The following CTNNA2 variants were observed in gnomAD, a reference collection of about 807,000 sequenced individuals.
The protein encoded by CTNNA2 is catenin alpha-2.
A neutral mutation model predicts 101.0 loss-of-function variants in CTNNA2; 42 were observed. The ratio of observed to expected loss-of-function variants is 0.42; its 90% CI spans 0.32 to 0.54. The LOEUF (loss-of-function observed/expected upper bound fraction) is 0.54. Among genes scored for constraint, CTNNA2 ranks in the 20% least tolerant of loss-of-function variants. The pLI, the probability that CTNNA2 is intolerant of heterozygous loss-of-function variation, is 0.14. For synonymous variants in CTNNA2, 450 were observed against 456.4 expected (o/e 0.99, Z 0.18); for missense variants, 871 against 1,223.1 (o/e 0.71, Z 4.29).
intron 4 of CTNNA2, among the ~76,000 whole-genome samples, chr2:79,413,687 G>A (rs1485505860): frequency 6.6e-6 from 1 of 151,798 alleles, no homozygotes. Flanking sequence ...CCAATAGTGT[G>A]CAAGGGTTCC....
chr2:80,320,168 A>G (rs1446323667), intron 7 of CTNNA2, among the ~76,000 whole-genome samples: 2 of 152,224 alleles, frequency 1.3e-5, no homozygotes, highest in South Asian at 2.1e-4. Context: ...GCCTCATAGC[A>G]CAACTTTTAA....
intron 2 of CTNNA2, among the ~76,000 whole-genome samples, chr2:79,724,849 A>G (rs1330778819): frequency 6.6e-6 from 1 of 151,296 alleles, no homozygotes; most frequent in Admixed American, 6.6e-5. Context: ...AAAAGAAAAA[A>G]GAAATAATGA....
intron 7 of CTNNA2, among the ~76,000 whole-genome samples, chr2:80,348,899 C>G (rs1673031895): frequency 6.6e-6 from 1 of 151,958 alleles, no homozygotes; most frequent in Non-Finnish European, 1.5e-5. Flanking sequence ...AGCTGCTGCT[C>G]TAGTCAGATT....
chr2:80,490,134 T>A (rs1686923791), intron 9 of CTNNA2, among the ~76,000 whole-genome samples: 1 of 152,210 alleles, frequency 6.6e-6, no homozygotes, highest in African/African-American at 2.4e-5. Flanking sequence ...TATCTAGAGA[T>A]GTAAATTAGA....
At chr2:80,640,644 C>CTTAG (rs1353652377) in intron 18 of CTNNA2, among the ~76,000 whole-genome samples, 2 of 152,214 alleles carry the variant, frequency 1.3e-5, no homozygotes, top group Admixed American at 1.3e-4. Flanking sequence ...CTAAGGACAT[C>CTTAG]AAATAGGTCT....
rs1014275719 is a variant in CTNNA2, at chr2:79,513,108, C to G, written c.-105C>G. 1 of 152,264 alleles carries G rather than the reference C, an allele frequency of 6.6e-6. No homozygotes were observed. The highest frequency in any genetic ancestry group is 1.5e-5 in the Non-Finnish European group (1 of 68,124). The allele number at this position is 152,264 out of a possible 1,614,324, so 9.4% of individuals were successfully genotyped here. Reference sequence around the variant, plus strand: ...GGCTGCAGCAGCTGCTGCCCTTGTCCCTGCCGCCGCCTCTCCAGTCCCTTC... The same window carrying G: ...GGCTGCAGCAGCTGCTGCCCTTGTCGCTGCCGCCGCCTCTCCAGTCCCTTC... On this transcript the variant is annotated 5_prime_UTR_variant, in exon 1 of 19. Coordinates refer to ENST00000402739, the MANE Select transcript of CTNNA2 (RefSeq NM_001282597.3).
chr2:80,255,870 G>A (rs1179884114), intron 7 of CTNNA2, among the ~76,000 whole-genome samples: 1 of 152,044 alleles, frequency 6.6e-6, no homozygotes, highest in African/African-American at 2.4e-5. Flanking sequence ...TTTAGTATCC[G>A]GGAAAATAAA....
intron 9 of CTNNA2, among the ~76,000 whole-genome samples, chr2:80,433,854 C>T (rs1260678320): frequency 2.6e-5 from 4 of 152,124 alleles, no homozygotes; most frequent in Admixed American, 2.0e-4. Context: ...CATTATTTCT[C>T]CTGATAGTTT....
intron 7 of CTNNA2, among the ~76,000 whole-genome samples, chr2:80,306,412 C>CT (rs1232770133): frequency 5.2e-4 from 68 of 129,890 alleles, no homozygotes; most frequent in African/African-American, 1.6e-3. Flanking sequence ...TTCTTTCTTT[C>CT]TTTCTTTCTT....
At chr2:79,642,988 T>A in intron 1 of CTNNA2, among the ~76,000 whole-genome samples, 1 of 152,068 alleles carries the variant, frequency 6.6e-6, no homozygotes, top group Non-Finnish European at 1.5e-5. Context: ...GTCAAGAGAT[T>A]GAGACCATCC....
intron 7 of CTNNA2, among the ~76,000 whole-genome samples, chr2:80,233,517 C>T (rs759851415): frequency 1.1e-4 from 17 of 152,098 alleles, no homozygotes; most frequent in Non-Finnish European, 2.2e-4. Flanking sequence ...TATCAGTCCC[C>T]CAAATTAATT....
At chr2:79,497,599 C>A (rs756400204) in intron 4 of CTNNA2, among the ~76,000 whole-genome samples, 1 of 152,144 alleles carries the variant, frequency 6.6e-6, no homozygotes, top group Non-Finnish European at 1.5e-5. Context: ...GTTAACCTAG[C>A]ACACCCATGT....
intron 3 of CTNNA2, among the ~76,000 whole-genome samples, chr2:79,364,278 G>A (rs184621573): frequency 2.0e-5 from 3 of 152,220 alleles, no homozygotes; most frequent in Admixed American, 2.0e-4. Context: ...TCCACTTGGG[G>A]TTATAGAATG....
At chr2:79,635,496 T>C (rs1389847085) in intron 1 of CTNNA2, among the ~76,000 whole-genome samples, 3 of 151,662 alleles carry the variant, frequency 2.0e-5, no homozygotes, top group Non-Finnish European at 2.9e-5. Flanking sequence ...TGATACATGA[T>C]AGTTCTTCTT....
At chr2:79,392,061 A>C (rs1678178890) in intron 4 of CTNNA2, among the ~76,000 whole-genome samples, 1 of 152,104 alleles carries the variant, frequency 6.6e-6, no homozygotes, top group South Asian at 2.1e-4. Context: ...ATTTAACTTT[A>C]ATTACCTCTT....
At chr2:80,160,490 C>T (rs1704246928) in intron 7 of CTNNA2, among the ~76,000 whole-genome samples, 1 of 152,028 alleles carries the variant, frequency 6.6e-6, no homozygotes, top group South Asian at 2.1e-4. Flanking sequence ...AGTTTTCAGC[C>T]AACAAATTCT....
Position 80,178,531 on chromosome 2 carries a change from G to A in CTNNA2, c.1057-214680G>A, listed in dbSNP as rs189678815. ...ATCCCTATTTGCCACTGACACCTCA[G>A]ACACCATTGGATCTTGATGGGTCAC... On this transcript the variant is annotated intron_variant, in intron 7 of 18. Coordinates refer to ENST00000402739, the MANE Select transcript of CTNNA2 (RefSeq NM_001282597.3). Among the ~76,000 whole-genome samples, 237 of 152,312 alleles carry A rather than the reference G, an allele frequency of 1.6e-3. 1 individual carries two copies. The highest frequency in any genetic ancestry group is 5.3e-3 in the African/African-American group (222 of 41,566).
chr2:79,359,272 G>T (rs1395215905), intron 3 of CTNNA2, among the ~76,000 whole-genome samples: 1 of 152,090 alleles, frequency 6.6e-6, no homozygotes, highest in Non-Finnish European at 1.5e-5. Flanking sequence ...TAAATTAAAG[G>T]GGCTAGGACT....
intron 2 of CTNNA2, among the ~76,000 whole-genome samples, chr2:79,222,200 A>G (rs956076224): frequency 2.0e-5 from 3 of 152,252 alleles, no homozygotes; most frequent in African/African-American, 7.2e-5. Context: ...GGCAGGCGAT[A>G]TAAAGGCTTC....
Sources: gnomAD v4.1 joint callset for allele counts (sites outside exome capture counted in the v4.1 genomes callset) on GRCh38, gnomAD v4.1.1 for gene constraint, MANE v1.5 for transcripts, NCBI Gene and HGNC (gene_info 2026-07-23, HGNC 2026-07-21) for gene names.